The following HHEX variants were observed in gnomAD, a reference collection of about 807,000 sequenced individuals.
HHEX encodes the protein hematopoietically expressed homeobox.
A neutral mutation model predicts 27.0 loss-of-function variants in HHEX; 8 were observed. The ratio of observed to expected loss-of-function variants is 0.30; its 90% CI spans 0.17 to 0.54. The LOEUF (loss-of-function observed/expected upper bound fraction) is 0.54. Ranked by LOEUF, HHEX falls within the 20% of genes least tolerant of loss-of-function variation. The pLI is 0.95. For synonymous variants in HHEX, 164 were observed against 161.5 expected, an observed-to-expected ratio of 1.02 and a Z score of -0.12; for missense variants, 326 against 357.2, an observed-to-expected ratio of 0.91 and a Z score of 0.70.
At chr10:92,690,855 G>A (rs1456040853) in intron 1 of HHEX, among the ~76,000 whole-genome samples, 2 of 152,216 alleles carry the variant, frequency 1.3e-5, no homozygotes, top group East Asian at 1.9e-4. Context: ...GCTGCATGAA[G>A]CAGACCCTTC....
rs1208900235 is a variant in HHEX at position 92,690,141 on chromosome 10, C to T, written c.155C>T (p.Pro52Leu). 64 of 1,550,460 alleles carry T rather than the reference C, an allele frequency of 4.1e-5. No homozygotes were observed. Among genetic ancestry groups the T allele is most frequent in the Non-Finnish European group, 5.3e-5 (61 of 1,147,286 alleles). The change falls in exon 1 of 4, where the codon CCG (proline) becomes CTG (leucine). Residue 52 changes from proline (P) to leucine (L), a missense_variant. Transcript: ENST00000282728. ...PAAPTPAPTL[P>L]SPNSSFTSLV... The stretch of plus-strand genomic sequence containing the variant: ...GCGCCCACGCCCGCCCCCACGCTGC[C>T]GTCCCCCAACTCCTCCTTCACCAGC...
Position 92,689,966 on chromosome 10 carries a change from G to T in HHEX, c.-21G>T. ...CGGCGCGGGCCAGCAGCTCTGCGAG[G>T]GGCCGGAGCGCGGCGGAGCCATGCA... On this transcript the variant is annotated 5_prime_UTR_variant, in exon 1 of 4. Transcript: ENST00000282728. The T allele has an allele frequency of 7.4e-7, 1 of 1,343,544 alleles. No individual in the cohort carries two copies. The allele number at this position is 1,343,544 out of a possible 1,614,324, so 83.2% of individuals were successfully genotyped here. A position where few individuals can be genotyped will look rare whatever the true frequency, so the allele number is the denominator to read the frequency against.
chr10:92,692,326 C>T lies in HHEX; in HGVS notation c.362-42C>T, dbSNP rs769831392. On this transcript the variant is annotated intron_variant, in intron 1 of 3. Coordinates refer to ENST00000282728, the MANE Select transcript of HHEX (RefSeq NM_002729.5). ...CGACAGCTCTGGGGTCTGGCCAGGC[C>T]GCTCCAGGGCAGTGGGTGAGCGCCG... 2.5e-6 allele frequency: 4 copies of T among 1,602,142 alleles called. No individual in the cohort carries two copies. The East Asian group carries it at 6.7e-5, about 27-fold the overall frequency.
chr10:92,689,970 C>G lies in HHEX; in HGVS notation c.-17C>G, dbSNP rs900776791. 5.9e-6 allele frequency: 8 copies of G among 1,348,948 alleles called. No homozygotes were observed. Among genetic ancestry groups the G allele is most frequent in the Admixed American group, 4.1e-5 (1 of 24,292 alleles). 83.6% of individuals were successfully genotyped at this position (1,348,948 alleles called of 1,614,324 possible). On this transcript the variant is annotated 5_prime_UTR_variant, in exon 1 of 4. Transcript: ENST00000282728. ...GCGGGCCAGCAGCTCTGCGAGGGGC[C>G]GGAGCGCGGCGGAGCCATGCAGTAC...
In HHEX at chr10:92,692,556, C is replaced by A. The variant is rs745436355; in HGVS notation, c.540+10C>A. On this transcript the variant is annotated intron_variant, in intron 2 of 3. Coordinates refer to ENST00000282728, the MANE Select transcript of HHEX (RefSeq NM_002729.5). ...GCTCAGCGAGAGACAGGTGAGCTCG[C>A]GGGGGGCCTGGGGCCGCCTCCGGGG... 5 of 1,612,806 alleles carry A rather than the reference C, an allele frequency of 3.1e-6. No homozygotes were observed. In the East Asian group the frequency reaches 1.1e-4, roughly 36 times the overall value.
At chr10:92,692,037 G>T in intron 1 of HHEX, 1 of 204,018 alleles carries the variant, frequency 4.9e-6, no homozygotes, top group Admixed American at 5.5e-5. Context: ...GAGAGCCACT[G>T]GGGAAAGAGG....
intron 3 of HHEX, 117 bp downstream of exon 3, chr10:92,692,869 T>C: frequency 1.2e-6 from 1 of 844,848 alleles, no homozygotes; most frequent in South Asian, 1.5e-5. Flanking sequence ...CTCTTCACCT[T>C]GATTAAAAAG....
Position 92,689,959 on chromosome 10 carries a change from C to T in HHEX, c.-28C>T, listed in dbSNP as rs1589621539. 4.5e-6 allele frequency: 6 copies of T among 1,330,276 alleles called. No individual in the cohort carries two copies. The East Asian group carries it at 9.5e-5, about 21-fold the overall frequency. 82.4% of individuals were successfully genotyped at this position (1,330,276 alleles called of 1,614,324 possible). On this transcript the variant is annotated 5_prime_UTR_variant, in exon 1 of 4. Coordinates refer to ENST00000282728, the MANE Select transcript of HHEX (RefSeq NM_002729.5). ...AGCGCCGCGGCGCGGGCCAGCAGCT[C>T]TGCGAGGGGCCGGAGCGCGGCGGAG...
chr10:92,692,359 C>T lies in HHEX; in HGVS notation c.362-9C>T, dbSNP rs965240238. 6 of 1,612,200 alleles carry T rather than the reference C, an allele frequency of 3.7e-6. No individual in the cohort carries two copies. The African/African-American group carries it at 4.0e-5, about 11-fold the overall frequency. On this transcript the variant is annotated splice_polypyrimidine_tract_variant and intron_variant, in intron 1 of 3. Coordinates refer to ENST00000282728, the MANE Select transcript of HHEX (RefSeq NM_002729.5). ...GGCAGTGGGTGAGCGCCGCTCTTCC[C>T]GCTCGCAGGCAAACCTCTACTCTGG...
At chr10:92,692,601 A>G (rs1400345593) in intron 2 of HHEX, 55 bp downstream of exon 2, 2 of 1,608,352 alleles carry the variant, frequency 1.2e-6, no homozygotes, top group Admixed American at 1.7e-5. Context: ...CTTCTGGGGT[A>G]GGGGTCGCCG....
intron 1 of HHEX, among the ~76,000 whole-genome samples, chr10:92,691,388 C>G (rs1309614540): frequency 6.6e-6 from 1 of 152,206 alleles, no homozygotes; most frequent in Non-Finnish European, 1.5e-5. Context: ...TTATTGGAAG[C>G]TTCAGTAGGG....
chr10:92,693,326 CT>C (rs1348208551), intron 3 of HHEX, among the ~76,000 whole-genome samples: 4 of 152,188 alleles, frequency 2.6e-5, no homozygotes, highest in Admixed American at 6.5e-5. Flanking sequence ...TTCTGACAGT[CT>C]TTCTTCCAGT....
chr10:92,694,553 C>A lies in HHEX; in HGVS notation c.598C>A (p.Pro200Thr), dbSNP rs780836792. The change falls in exon 4 of 4, where the codon CCT (proline) becomes ACT (threonine). Residue 200 changes from proline (P) to threonine (T), a missense_variant. This residue lies in a region of HHEX where 68 missense variants were observed against 84.9 expected (regional missense o/e 0.80). Coordinates refer to ENST00000282728, the MANE Select transcript of HHEX (RefSeq NM_002729.5). ...AKWRRLKQEN[P>T]QSNKKEELES... is the part of the protein sequence containing the mutation. Reference sequence around the variant, plus strand: ...TTTCATTTCCTTTATTCAGGAGAACCCTCAAAGCAATAAAAAAGAAGAACT... The same window carrying A: ...TTTCATTTCCTTTATTCAGGAGAACACTCAAAGCAATAAAAAAGAAGAACT... 1.2e-6 allele frequency: 2 copies of A among 1,612,450 alleles called. No individual in the cohort carries two copies. The highest frequency in any genetic ancestry group is 2.7e-5 in the African/African-American group (2 of 74,856).
chr10:92,692,772 T>A lies in HHEX; in HGVS notation c.591+20T>A. 1 of 1,597,246 alleles carries A rather than the reference T, an allele frequency of 6.3e-7. No homozygotes were observed. On this transcript the variant is annotated intron_variant, in intron 3 of 3. Coordinates refer to ENST00000282728, the MANE Select transcript of HHEX (RefSeq NM_002729.5). ...AAACAGGTATGGACATGGTTCTGTT[T>A]CTATGGAAATAAATATTTTTATCAC...
chr10:92,693,718 TA>T (rs11319879), intron 3 of HHEX, among the ~76,000 whole-genome samples: 81,130 of 152,030 alleles, frequency 0.53, 21,957 homozygotes, highest in East Asian at 0.76. Flanking sequence ...GTTGAGACTA[TA>T]AGGCTTGCAA....
chr10:92,692,333 G>T, intron 1 of HHEX, 35 bp from the exon 2 acceptor site: 1 of 1,609,398 alleles, frequency 6.2e-7, no homozygotes, highest in Non-Finnish European at 8.5e-7. Flanking sequence ...GGCCGCTCCA[G>T]GGCAGTGGGT....
rs1845399288 is a variant in HHEX at position 92,695,636 on chromosome 10, A to G, written c.*868A>G. The G allele has an allele frequency of 6.6e-6, 1 of 152,178 alleles. No individual in the cohort carries two copies. The highest frequency in any genetic ancestry group is 1.5e-5 in the Non-Finnish European group (1 of 68,026). 9.4% of individuals were successfully genotyped at this position (152,178 alleles called of 1,614,324 possible). On this transcript the variant is annotated 3_prime_UTR_variant, in exon 4 of 4. Coordinates refer to ENST00000282728, the MANE Select transcript of HHEX (RefSeq NM_002729.5). ...ATAAAATAAAGCCGTCCGTGGGACG[A>G]CTGACCTCGTTGCAAGTCTAATTCT... is the stretch of plus-strand genomic sequence containing the variant.
chr10:92,692,821 T>C (rs1320070392), intron 3 of HHEX, 69 bp downstream of exon 3: 5 of 1,284,144 alleles, frequency 3.9e-6, no homozygotes, highest in South Asian at 1.2e-5. Flanking sequence ...AAGGCTGTTA[T>C]GGGTTGTATG....
chr10:92,694,919 A>G lies in HHEX; in HGVS notation c.*151A>G. 1.6e-6 allele frequency: 1 copy of G among 629,406 alleles called. No homozygotes were observed. The highest frequency in any genetic ancestry group is 2.0e-5 in the South Asian group (1 of 51,244). 39.0% of individuals were successfully genotyped at this position (629,406 alleles called of 1,614,324 possible). A position where few individuals can be genotyped will look rare whatever the true frequency, so the allele number is the denominator to read the frequency against. Reference sequence around the variant, plus strand: ...CTAAAAATATTTGGTGCACTGCTCAATTAACAAACCTACATGGAGACCTTA... The same window carrying G: ...CTAAAAATATTTGGTGCACTGCTCAGTTAACAAACCTACATGGAGACCTTA... On this transcript the variant is annotated 3_prime_UTR_variant, in exon 4 of 4. Transcript: ENST00000282728.
Sources: gnomAD v4.1 joint callset for allele counts (sites outside exome capture counted in the v4.1 genomes callset) on GRCh38, gnomAD v4.1.1 for gene constraint, gnomAD v4.1.1 regional missense constraint, MANE v1.5 for transcripts, NCBI Gene and HGNC (gene_info 2026-07-23, HGNC 2026-07-21) for gene names.